WNT1: variants seen among roughly 807,000 people sequenced by gnomAD.
WNT1 encodes the protein Wnt family member 1.
In WNT1, 10 loss-of-function variants were observed where a neutral mutation model predicts 21.3. That is an observed-to-expected ratio of 0.47 (90% CI 0.29 to 0.80). The LOEUF (loss-of-function observed/expected upper bound fraction) is 0.80, where lower values mean the gene tolerates loss of function less well. Ranked by LOEUF, WNT1 falls within the 30% of genes least tolerant of loss-of-function variation. The pLI is 0.09. For synonymous variants in WNT1, 208 were observed against 236.3 expected (o/e 0.88, Z 1.10); for missense variants, 476 against 534.1 (o/e 0.89, Z 1.07).
In WNT1 at chr12:48,978,511, C is replaced by G; in HGVS notation, c.-140C>G. 4.6e-6 allele frequency: 3 copies of G among 657,250 alleles called. No homozygotes were observed. 40.7% of individuals were successfully genotyped at this position (657,250 alleles called of 1,614,324 possible). Reference sequence around the variant, plus strand: ...CAGCCGGGACCGCGAGCCATGCTGTCCGCCGCCCGCCCCCAGGGTTGTTAA... The same window carrying G: ...CAGCCGGGACCGCGAGCCATGCTGTGCGCCGCCCGCCCCCAGGGTTGTTAA... On this transcript the variant is annotated 5_prime_UTR_variant, in exon 1 of 4. Transcript: ENST00000293549. The surrounding 1 kb of genome is among the most constrained non-coding windows in gnomAD (Gnocchi z 7.4).
In WNT1 at chr12:48,981,275, T is replaced by C; in HGVS notation, c.748T>C (p.Phe250Leu). The C allele has an allele frequency of 3.1e-6, 5 of 1,602,804 alleles. No homozygotes were observed. Among genetic ancestry groups the C allele is most frequent in the Non-Finnish European group, 4.3e-6 (5 of 1,175,064 alleles). Residue 250 changes from phenylalanine (F) to leucine (L), a missense_variant, in exon 4 of 4, where the codon TTC becomes CTC. Coordinates refer to ENST00000293549, the MANE Select transcript of WNT1 (RefSeq NM_005430.4). The surrounding 1 kb of genome is among the most constrained non-coding windows in gnomAD (Gnocchi z 7.4). ...CGTGGGCGATGTGCTGCGCGACCGC[T>C]TCGACGGCGCCTCGCGCGTCCTGTA... ...RAVGDVLRDR[F>L]DGASRVLYGN...
rs1940963452 is a variant in WNT1 at position 48,978,420 on chromosome 12, C to G, written c.-231C>G. 2 of 568,620 alleles carry G rather than the reference C, an allele frequency of 3.5e-6. No homozygotes were observed. Among genetic ancestry groups the G allele is most frequent in the Admixed American group, 6.3e-5 (2 of 31,996 alleles). The allele number at this position is 568,620 out of a possible 1,614,324, so 35.2% of individuals were successfully genotyped here. ...TGCGGCCCGGAGGGGCAGCCTCCTC[C>G]CGTCACTTCAGCCAGCGCCGCAACT... On this transcript the variant is annotated 5_prime_UTR_variant, in exon 1 of 4. Coordinates refer to ENST00000293549, the MANE Select transcript of WNT1 (RefSeq NM_005430.4). The surrounding 1 kb of genome is among the most constrained non-coding windows in gnomAD (Gnocchi z 7.4).
chr12:48,981,430 C>T lies in WNT1; in HGVS notation c.903C>T (p.Tyr301=). The change falls in exon 4 of 4, where the codon TAC becomes TAT. Residue 301 remains tyrosine, a synonymous_variant. Transcript: ENST00000293549. This position sits in a 1 kb window ranked among gnomAD's most constrained non-coding sequence, Gnocchi z 7.4. The part of the protein sequence containing the change: ...YFEKSPNFCT[Y]SGRLGTAGTA... ...AGAAATCGCCCAACTTCTGCACGTA[C>T]AGCGGACGCCTGGGCACAGCAGGCA... 6.4e-7 allele frequency: 1 copy of T among 1,573,182 alleles called. No homozygotes were observed. The highest frequency in any genetic ancestry group is 8.6e-7 in the Non-Finnish European group (1 of 1,158,920).
At position 48,980,170 on chromosome 12, in the gene WNT1, C is replaced by A. The variant is rs116478834; in HGVS notation, c.359-254C>A. On this transcript the variant is annotated intron_variant, in intron 2 of 3. Transcript: ENST00000293549. This position sits in a 1 kb window ranked among gnomAD's most constrained non-coding sequence, Gnocchi z 7.0. The stretch of plus-strand genomic sequence containing the variant: ...TTCGGTTTGTCTCTCTGGGGCTGCT[C>A]CACTTCCGCTATCGAGCCAAAATGC... 5.3e-4 allele frequency among the ~76,000 whole-genome samples: 80 copies of A among 152,378 alleles called. No individual in the cohort carries two copies. In the Middle Eastern group the frequency reaches 0.014, roughly 26 times the overall value.
Position 48,980,040 on chromosome 12 carries a change from G to C in WNT1, c.358+319G>C, listed in dbSNP as rs1293809560. ...GCCTGGGAAGCTGCTCTCTGCAGGC[G>C]TGTGTCTGGCCTCTCGCCCAGCAAG... On this transcript the variant is annotated intron_variant, in intron 2 of 3. Transcript: ENST00000293549. The surrounding 1 kb of genome is among the most constrained non-coding windows in gnomAD (Gnocchi z 7.0). Among the ~76,000 whole-genome samples, 2 of 152,254 alleles carry C rather than the reference G, an allele frequency of 1.3e-5. No homozygotes were observed. Among genetic ancestry groups the C allele is most frequent in the East Asian group, 1.9e-4 (1 of 5,202 alleles).
rs916870309 is a variant in WNT1 at position 48,979,340 on chromosome 12, G to A, written c.105-128G>A. 2 of 1,241,468 alleles carry A rather than the reference G, an allele frequency of 1.6e-6. No individual in the cohort carries two copies. The highest frequency in any genetic ancestry group is 2.4e-5 in the East Asian group (1 of 42,142). The allele number at this position is 1,241,468 out of a possible 1,614,324, so 76.9% of individuals were successfully genotyped here. ...CTTTCAAATTAGTGAGCCTGGGAGAGCGGGTATTATTAATCTCCCGCCATT... is the reference window on the plus strand; with the variant it reads ...CTTTCAAATTAGTGAGCCTGGGAGAACGGGTATTATTAATCTCCCGCCATT... On this transcript the variant is annotated intron_variant, in intron 1 of 3. Transcript: ENST00000293549. The surrounding 1 kb of genome is among the most constrained non-coding windows in gnomAD (Gnocchi z 6.0).
At position 48,980,386 on chromosome 12, in the gene WNT1, C is replaced by A; in HGVS notation, c.359-38C>A. The stretch of plus-strand genomic sequence containing the variant: ...TCATGAGGGTGCTGGCCGCGCCCCG[C>A]GTACCCCCTCGCTGATCCCCGCTCC... On this transcript the variant is annotated intron_variant, in intron 2 of 3. Transcript: ENST00000293549. The surrounding 1 kb of genome is among the most constrained non-coding windows in gnomAD (Gnocchi z 7.0). The A allele has an allele frequency of 2.5e-6, 4 of 1,612,732 alleles. No individual in the cohort carries two copies. The highest frequency in any genetic ancestry group is 1.1e-5 in the South Asian group (1 of 90,932).
rs976735424 is a variant in WNT1, at chr12:48,981,810, A to G, written c.*170A>G. On this transcript the variant is annotated 3_prime_UTR_variant, in exon 4 of 4. Transcript: ENST00000293549. This position sits in a 1 kb window ranked among gnomAD's most constrained non-coding sequence, Gnocchi z 7.4. ...TTCCTCCTACCTGGGGACTCCTCAA[A>G]CCACTTGCCTGGGGCGGCATGAACC... is the stretch of plus-strand genomic sequence containing the variant. The G allele has an allele frequency of 2.3e-5, 22 of 960,534 alleles. No homozygotes were observed. In the African/African-American group the frequency reaches 3.7e-4, roughly 16 times the overall value. The allele number at this position is 960,534 out of a possible 1,614,324, so 59.5% of individuals were successfully genotyped here.
chr12:48,980,543 C>T lies in WNT1; in HGVS notation c.478C>T (p.Pro160Ser). ...CACGTGTGACTACCGGCGGCGCGGC[C>T]CCGGGGGCCCCGACTGGCACTGGGG... ...SCTCDYRRRG[P>S]GGPDWHWGGC... Residue 160 changes from proline to serine, a missense_variant, in exon 3 of 4, where the codon CCC (proline) becomes TCC (serine). Transcript: ENST00000293549. This position sits in a 1 kb window ranked among gnomAD's most constrained non-coding sequence, Gnocchi z 7.0. 2 of 1,612,916 alleles carry T rather than the reference C, an allele frequency of 1.2e-6. No homozygotes were observed. The highest frequency in any genetic ancestry group is 1.7e-6 in the Non-Finnish European group (2 of 1,179,526).
At position 48,981,365 on chromosome 12, in the gene WNT1, G is replaced by A. The variant is rs1941011617; in HGVS notation, c.838G>A (p.Ala280Thr). 1 of 1,571,532 alleles carries A rather than the reference G, an allele frequency of 6.4e-7. No homozygotes were observed. The highest frequency in any genetic ancestry group is 2.4e-5 in the East Asian group (1 of 42,112). The change falls in exon 4 of 4, where the codon GCC (alanine) becomes ACC (threonine). Residue 280 changes from alanine (A) to threonine (T), a missense_variant. Physicochemically the swap from Ala to Thr is moderately conservative, Grantham distance 58. Transcript: ENST00000293549. This position sits in a 1 kb window ranked among gnomAD's most constrained non-coding sequence, Gnocchi z 7.4. ...GCTGCGCCTGGAGCCGGAAGACCCG[G>A]CCCACAAACCGCCCTCCCCCCACGA... ...ELLRLEPEDP[A>T]HKPPSPHDLV... is the part of the protein sequence containing the mutation.
Position 48,979,708 on chromosome 12 carries a change from G to C in WNT1, c.345G>C (p.Lys115Asn), listed in dbSNP as rs1940985248. The C allele has an allele frequency of 6.3e-7, 1 of 1,592,692 alleles. No individual in the cohort carries two copies. The highest frequency in any genetic ancestry group is 2.3e-5 in the East Asian group (1 of 44,406). The change falls in exon 2 of 4, where the codon AAG becomes AAC. Residue 115 changes from lysine (K) to asparagine (N), a missense_variant. Transcript: ENST00000293549. This position sits in a 1 kb window ranked among gnomAD's most constrained non-coding sequence, Gnocchi z 6.0. ...PTAPGPHLFG[K>N]IVNRGCRETA... ...CTCCAGGGCCCCACCTCTTCGGCAAGATCGTCAACCGAGGTGGGTGCCCAG... is the reference window on the plus strand; with the variant it reads ...CTCCAGGGCCCCACCTCTTCGGCAACATCGTCAACCGAGGTGGGTGCCCAG...
chr12:48,981,184 G>A lies in WNT1; in HGVS notation c.657G>A (p.Lys219=). The A allele has an allele frequency of 1.2e-6, 2 of 1,612,356 alleles. No homozygotes were observed. The change falls in exon 4 of 4, where the codon AAG becomes AAA. Residue 219 remains lysine, a synonymous_variant. Coordinates refer to ENST00000293549, the MANE Select transcript of WNT1 (RefSeq NM_005430.4). The surrounding 1 kb of genome is among the most constrained non-coding windows in gnomAD (Gnocchi z 7.4). ...TVFSEMRQEC[K]CHGMSGSCTV... ...TCTCCGAGATGCGCCAGGAGTGCAA[G>A]TGCCACGGGATGTCCGGCTCATGCA...
Position 48,980,577 on chromosome 12 carries a change from GC to G in WNT1, c.513del (p.Ser171ArgfsTer28). On this transcript the variant is annotated frameshift_variant, in exon 3 of 4. Transcript: ENST00000293549. LOFTEE classifies it high-confidence loss of function. The surrounding 1 kb of genome is among the most constrained non-coding windows in gnomAD (Gnocchi z 7.0). ...GGPDWHWGGC[S>X]DNIDFGRLFG... ...CCCGACTGGCACTGGGGGGGCTGCA[GC>G]GACAACATTGACTTCGGCCGCCTCT... 6.2e-7 allele frequency: 1 copy of G among 1,608,932 alleles called. No individual in the cohort carries two copies. Among genetic ancestry groups the G allele is most frequent in the Non-Finnish European group, 8.5e-7 (1 of 1,177,716 alleles).
chr12:48,980,838 G>C lies in WNT1; in HGVS notation c.624+149G>C, dbSNP rs1223585706. 10 of 1,368,604 alleles carry C rather than the reference G, an allele frequency of 7.3e-6. No homozygotes were observed. The highest frequency in any genetic ancestry group is 9.6e-6 in the Non-Finnish European group (10 of 1,036,466). The allele number at this position is 1,368,604 out of a possible 1,614,324, so 84.8% of individuals were successfully genotyped here. ...CTTGGAACGAAGACGGAGAATAGAG[G>C]AGACAGTGGCTGAGGGCAAAGGTAT... is the stretch of plus-strand genomic sequence containing the variant. On this transcript the variant is annotated intron_variant, in intron 3 of 3. Transcript: ENST00000293549. The surrounding 1 kb of genome is among the most constrained non-coding windows in gnomAD (Gnocchi z 7.0).
At position 48,978,712 on chromosome 12, in the gene WNT1, C is replaced by T; in HGVS notation, c.62C>T (p.Ala21Val). Residue 21 changes from alanine to valine, a missense_variant, in exon 1 of 4, where the codon GCT (alanine) becomes GTT (valine). Physicochemically the swap from Ala to Val is moderately conservative, Grantham distance 64. Coordinates refer to ENST00000293549, the MANE Select transcript of WNT1 (RefSeq NM_005430.4). The surrounding 1 kb of genome is among the most constrained non-coding windows in gnomAD (Gnocchi z 7.4). ...VSATLLLALA[A>V]LPAALAANSS... ...GCTACGCTGCTGCTGGCGCTGGCCG[C>T]TCTGCCCGCAGCCCTGGCTGCCAAC... 1 of 1,604,174 alleles carries T rather than the reference C, an allele frequency of 6.2e-7. No individual in the cohort carries two copies. The highest frequency in any genetic ancestry group is 8.5e-7 in the Non-Finnish European group (1 of 1,178,712).
In WNT1 at chr12:48,980,439, C is replaced by A. The variant is rs1486629942; in HGVS notation, c.374C>A (p.Ala125Glu). Residue 125 changes from alanine (A) to glutamate (E), a missense_variant, in exon 3 of 4, where the codon GCG becomes GAG. Ala to Glu is a moderately radical substitution (Grantham distance 107). Transcript: ENST00000293549. The surrounding 1 kb of genome is among the most constrained non-coding windows in gnomAD (Gnocchi z 7.0). ...KIVNRGCRET[A>E]FIFAITSAGV... ...TCTCCCACAGGCTGTCGAGAAACGG[C>A]GTTTATCTTCGCTATCACCTCCGCC... The A allele has an allele frequency of 1.2e-6, 2 of 1,614,210 alleles. No individual in the cohort carries two copies. Among genetic ancestry groups the A allele is most frequent in the Admixed American group, 3.3e-5 (2 of 60,032 alleles).
rs978251756 is a variant in WNT1, at chr12:48,981,389, G to A, written c.862G>A (p.Asp288Asn). Reference protein sequence around the residue: ...DPAHKPPSPHDLVYFEKSPNF... With the variant: ...DPAHKPPSPHNLVYFEKSPNF... ...GGCCCACAAACCGCCCTCCCCCCAC[G>A]ACCTCGTCTACTTCGAGAAATCGCC... The change falls in exon 4 of 4, where the codon GAC (aspartate) becomes AAC (asparagine). Residue 288 changes from aspartate (D) to asparagine (N), a missense_variant. By Grantham distance (23) the Asp-to-Asn change is conservative (BLOSUM62 1). Transcript: ENST00000293549. The surrounding 1 kb of genome is among the most constrained non-coding windows in gnomAD (Gnocchi z 7.4). 4 of 1,578,548 alleles carry A rather than the reference G, an allele frequency of 2.5e-6. No individual in the cohort carries two copies. Among genetic ancestry groups the A allele is most frequent in the African/African-American group, 1.4e-5 (1 of 73,702 alleles).
Position 48,980,160 on chromosome 12 carries a change from T to A in WNT1, c.359-264T>A, listed in dbSNP as rs1352572668. Reference sequence around the variant, plus strand: ...CTCCCCTCTCTTCGGTTTGTCTCTCTGGGGCTGCTCCACTTCCGCTATCGA... The same window carrying A: ...CTCCCCTCTCTTCGGTTTGTCTCTCAGGGGCTGCTCCACTTCCGCTATCGA... On this transcript the variant is annotated intron_variant, in intron 2 of 3. Coordinates refer to ENST00000293549, the MANE Select transcript of WNT1 (RefSeq NM_005430.4). This position sits in a 1 kb window ranked among gnomAD's most constrained non-coding sequence, Gnocchi z 7.0. Among the ~76,000 whole-genome samples the A allele has an allele frequency of 2.0e-5, 3 of 152,252 alleles. No homozygotes were observed. Among genetic ancestry groups the A allele is most frequent in the Non-Finnish European group, 2.9e-5 (2 of 68,038 alleles).
In WNT1 at chr12:48,981,733, G is replaced by A; in HGVS notation, c.*93G>A. 3 of 1,390,208 alleles carry A rather than the reference G, an allele frequency of 2.2e-6. No individual in the cohort carries two copies. Among genetic ancestry groups the A allele is most frequent in the Non-Finnish European group, 2.8e-6 (3 of 1,074,328 alleles). 86.1% of individuals were successfully genotyped at this position (1,390,208 alleles called of 1,614,324 possible). On this transcript the variant is annotated 3_prime_UTR_variant, in exon 4 of 4. Transcript: ENST00000293549. This position sits in a 1 kb window ranked among gnomAD's most constrained non-coding sequence, Gnocchi z 7.4. ...TCAAGACCCGGTTATTCGCCCACCC[G>A]AGTACCTCCAGTCACACTCCCCGCG...
Sources: gnomAD v4.1 joint callset for allele counts (sites outside exome capture counted in the v4.1 genomes callset) on GRCh38, gnomAD v4.1.1 for gene constraint, Gnocchi (gnomAD v3.1) non-coding constraint, MANE v1.5 for transcripts, NCBI Gene and HGNC (gene_info 2026-07-23, HGNC 2026-07-21) for gene names.